The following VPS8 variants were observed in gnomAD, a reference collection of about 807,000 sequenced individuals.
The protein encoded by VPS8 is vacuolar protein sorting-associated protein 8 homolog.
In VPS8, 129 loss-of-function variants were observed where a neutral mutation model predicts 216.4. That is an observed-to-expected ratio of 0.60 (90% CI 0.52 to 0.69). VPS8 has a LOEUF of 0.69. VPS8 is among the 30% of genes least tolerant of loss of function. VPS8 has a pLI of 0.00. For synonymous variants in VPS8, 571 were observed against 565.4 expected (o/e 1.01, Z -0.14); for missense variants, 1,531 against 1,683.5 (o/e 0.91, Z 1.59).
chr3:185,018,012 A>ATACT (rs1756058372), intron 45 of VPS8, among the ~76,000 whole-genome samples: 1 of 152,042 alleles, frequency 6.6e-6, no homozygotes, highest in African/African-American at 2.4e-5. Flanking sequence ...CTTTTTTAGT[A>ATACT]TGACCATGCT....
intron 46 of VPS8, 104 bp from the exon 47 acceptor site, chr3:185,048,375 G>A (rs542144980): frequency 5.4e-6 from 6 of 1,115,938 alleles, no homozygotes; most frequent in Middle Eastern, 2.0e-4. Flanking sequence ...TTGTTTTCAG[G>A]AGAATGAAGG....
chr3:184,824,537 T>C lies in VPS8; in HGVS notation c.-88-8T>C, dbSNP rs1718303158. 11 of 1,335,534 alleles carry C rather than the reference T, an allele frequency of 8.2e-6. No homozygotes were observed. The highest frequency in any genetic ancestry group is 1.0e-5 in the Non-Finnish European group (10 of 978,928). 82.7% of individuals were successfully genotyped at this position (1,335,534 alleles called of 1,614,324 possible). A position where few individuals can be genotyped will look rare whatever the true frequency, so the allele number is the denominator to read the frequency against. On this transcript the variant is annotated splice_region_variant and splice_polypyrimidine_tract_variant and intron_variant, in intron 1 of 47. Transcript: ENST00000625842. ...GTTTTGTTTTTGTTTTTTTCTTTTTTTGAAAAGAGATAATCATTCAGGTCT... is the reference window on the plus strand; with the variant it reads ...GTTTTGTTTTTGTTTTTTTCTTTTTCTGAAAAGAGATAATCATTCAGGTCT...
chr3:184,980,926 C>T (rs1466562380), intron 40 of VPS8, among the ~76,000 whole-genome samples: 2 of 152,150 alleles, frequency 1.3e-5, no homozygotes, highest in Non-Finnish European at 2.9e-5. Flanking sequence ...TCTTTCTCAT[C>T]CGTATAAGCT....
intron 45 of VPS8, among the ~76,000 whole-genome samples, chr3:185,002,409 C>T (rs1157907027): frequency 2.6e-5 from 4 of 152,096 alleles, no homozygotes; most frequent in African/African-American, 9.7e-5. Flanking sequence ...CCTACCTTCT[C>T]GAGCATCAAG....
At chr3:184,961,836 G>A (rs542493640) in intron 37 of VPS8, among the ~76,000 whole-genome samples, 1 of 150,518 alleles carries the variant, frequency 6.6e-6, no homozygotes, top group African/African-American at 2.4e-5. Context: ...GCATGATCTC[G>A]GCTCACTGCA....
At chr3:184,879,401 G>A (rs1729878773) in intron 21 of VPS8, among the ~76,000 whole-genome samples, 1 of 151,918 alleles carries the variant, frequency 6.6e-6, no homozygotes, top group Admixed American at 6.6e-5. Context: ...GTGATTTCTT[G>A]CATCCTGCAA....
At chr3:184,836,526 CAG>C (rs1425022072) in intron 5 of VPS8, among the ~76,000 whole-genome samples, 1 of 152,130 alleles carries the variant, frequency 6.6e-6, no homozygotes, top group East Asian at 1.9e-4. Flanking sequence ...TAATAAATCC[CAG>C]AGTGTTTGCA....
intron 3 of VPS8, among the ~76,000 whole-genome samples, chr3:184,831,185 C>T (rs1405785619): frequency 6.6e-6 from 1 of 152,146 alleles, no homozygotes; most frequent in Non-Finnish European, 1.5e-5. Context: ...GTGAATGAGC[C>T]AGGCGTGGTG....
intron 13 of VPS8, among the ~76,000 whole-genome samples, chr3:184,855,048 A>G (rs1724990128): frequency 6.6e-6 from 1 of 152,142 alleles, no homozygotes; most frequent in Non-Finnish European, 1.5e-5. Context: ...ATCCTTTCAG[A>G]TGGCAAAACT....
At chr3:184,892,339 C>G (rs111469066) in intron 22 of VPS8, among the ~76,000 whole-genome samples, 581 of 152,278 alleles carry the variant, frequency 3.8e-3, no homozygotes, top group African/African-American at 0.013. Context: ...GCCTCAGCCT[C>G]CTGAGTAGCC....
At chr3:184,815,857 T>C (rs1716212543) in intron 1 of VPS8, 1 of 151,530 alleles carries the variant, frequency 6.6e-6, no homozygotes, top group South Asian at 2.1e-4. Context: ...CTCATGACTC[T>C]ATATCCTTCT....
intron 1 of VPS8, among the ~76,000 whole-genome samples, chr3:184,818,186 C>T (rs979034187): frequency 6.6e-6 from 1 of 152,086 alleles, no homozygotes; most frequent in South Asian, 2.1e-4. Context: ...TCTGGAGTCA[C>T]AGGCTTAGAA....
chr3:184,890,776 C>T (rs1282043017), intron 22 of VPS8, among the ~76,000 whole-genome samples: 1 of 152,062 alleles, frequency 6.6e-6, no homozygotes, highest in Non-Finnish European at 1.5e-5. Flanking sequence ...TTGTAAATTA[C>T]TTAATATCAG....
chr3:184,949,381 C>T (rs551188520), intron 36 of VPS8, among the ~76,000 whole-genome samples: 38 of 152,160 alleles, frequency 2.5e-4, no homozygotes, highest in Non-Finnish European at 4.1e-4. Flanking sequence ...AAATCCCCTA[C>T]AGCCAGCTGT....
chr3:184,980,488 A>AT lies in VPS8; in HGVS notation c.3421-2070dup, dbSNP rs563661771. Among the ~76,000 whole-genome samples the AT allele has an allele frequency of 5.3e-5, 8 of 149,968 alleles. No individual in the cohort carries two copies. The East Asian group carries it at 1.4e-3, about 26-fold the overall frequency. Reference sequence around the variant, plus strand: ...CTCATATTTCCTGGAGGTTTTGTTCATTTTTTTTCTTTTTTTCTTTGTTTT... The same window carrying AT: ...CTCATATTTCCTGGAGGTTTTGTTCATTTTTTTTTCTTTTTTTCTTTGTTTT... On this transcript the variant is annotated intron_variant, in intron 40 of 47. Transcript: ENST00000625842.
At chr3:184,866,639 A>G (rs1727412193) in intron 16 of VPS8, among the ~76,000 whole-genome samples, 2 of 152,226 alleles carry the variant, frequency 1.3e-5, no homozygotes, top group South Asian at 4.1e-4. Flanking sequence ...AGCAATATAT[A>G]TAACAAAAAT....
intron 22 of VPS8, among the ~76,000 whole-genome samples, chr3:184,887,068 C>T (rs191625207): frequency 4.6e-5 from 7 of 152,270 alleles, no homozygotes; most frequent in East Asian, 1.9e-4. Flanking sequence ...CCTGGCTGGA[C>T]GTGCTGGCTT....
chr3:184,858,729 G>A (rs1163467566), intron 14 of VPS8, among the ~76,000 whole-genome samples: 1 of 152,186 alleles, frequency 6.6e-6, no homozygotes, highest in African/African-American at 2.4e-5. Context: ...AGATATTATT[G>A]TTCTTTGTTC....
intron 40 of VPS8, among the ~76,000 whole-genome samples, chr3:184,976,296 G>A (rs1292889863): frequency 6.6e-6 from 1 of 151,704 alleles, no homozygotes; most frequent in Non-Finnish European, 1.5e-5. Context: ...TTTTATTTAG[G>A]TAGATCATAC....
Sources: allele counts gnomAD v4.1 joint callset (sites outside exome capture counted in the v4.1 genomes callset), GRCh38; gene constraint gnomAD v4.1.1; transcripts MANE v1.5; gene names NCBI Gene and HGNC (gene_info 2026-07-23, HGNC 2026-07-21).